LRP1B: variants seen among roughly 807,000 people sequenced by gnomAD.
LRP1B encodes LDL receptor related protein 1B.
LRP1B carries 217 observed loss-of-function variants against 556.6 expected under a neutral mutation model. The observed-to-expected ratio is 0.39, with a 90% CI of 0.35 to 0.44. The LOEUF is 0.44. Ranked by LOEUF, LRP1B falls within the 20% of genes least tolerant of loss-of-function variation. LRP1B has a pLI of 1.00. For synonymous variants in LRP1B, 2,047 were observed against 1,865.8 expected (o/e 1.10, Z -2.50); for missense variants, 5,053 against 5,620.8 (o/e 0.90, Z 3.23).
chr2:140,845,824 G>A (rs530356681), intron 29 of LRP1B, among the ~76,000 whole-genome samples: 1 of 152,218 alleles, frequency 6.6e-6, no homozygotes, highest in East Asian at 1.9e-4. Context: ...ATTGAAAGAA[G>A]TTAACAGAGT....
At chr2:140,973,430 G>A (rs968948869) in intron 18 of LRP1B, among the ~76,000 whole-genome samples, 1 of 152,058 alleles carries the variant, frequency 6.6e-6, no homozygotes, top group Non-Finnish European at 1.5e-5. Flanking sequence ...GGATGGGGGG[G>A]TAGAGAGGAC....
intron 83 of LRP1B, among the ~76,000 whole-genome samples, chr2:140,303,082 CT>C (rs926140346): frequency 1.6e-5 from 2 of 126,126 alleles, no homozygotes; most frequent in Admixed American, 8.3e-5. Flanking sequence ...TATATCGGTT[CT>C]TTTTCTTTGT....
At chr2:140,438,666 C>G (rs1024055170) in intron 66 of LRP1B, among the ~76,000 whole-genome samples, 1 of 152,158 alleles carries the variant, frequency 6.6e-6, no homozygotes, top group Admixed American at 6.5e-5. Flanking sequence ...TCTTCACAAG[C>G]CCTAGTTAGT....
intron 35 of LRP1B, among the ~76,000 whole-genome samples, chr2:140,755,612 T>TA (rs150941879): frequency 0.013 from 1,915 of 152,044 alleles, 36 homozygotes; most frequent in African/African-American, 0.044. Context: ...AAGCATCTAA[T>TA]AAAATATACA....
Position 140,535,161 on chromosome 2 carries a change from A to G in LRP1B, c.7643-1021T>C, listed in dbSNP as rs977451828. On this transcript the variant is annotated intron_variant, in intron 46 of 90. Coordinates refer to ENST00000389484, the MANE Select transcript of LRP1B (RefSeq NM_018557.3). The stretch of plus-strand genomic sequence containing the variant: ...GCATATATGATCCACAAAACCTAAC[A>G]TATTTACCAGCTGAACCTTTACAGA... 4.4e-4 allele frequency among the ~76,000 whole-genome samples: 67 copies of G among 152,272 alleles called. 1 individual carries two copies. The highest frequency in any genetic ancestry group is 3.5e-4 in the Non-Finnish European group (24 of 68,006).
intron 75 of LRP1B, among the ~76,000 whole-genome samples, chr2:140,355,932 C>T (rs1452066355): frequency 6.6e-6 from 1 of 151,746 alleles, no homozygotes; most frequent in African/African-American, 2.4e-5. Flanking sequence ...GGACAAAAGC[C>T]CATGACTCTC....
rs926611019 is a variant in LRP1B, at chr2:140,442,771, T to G, written c.10295-148A>C. 3.3e-5 allele frequency: 23 copies of G among 694,508 alleles called. No individual in the cohort carries two copies. In the African/African-American group the frequency reaches 3.8e-4, roughly 12 times the overall value. 43.0% of individuals were successfully genotyped at this position (694,508 alleles called of 1,614,324 possible). On this transcript the variant is annotated intron_variant, in intron 65 of 90. Coordinates refer to ENST00000389484, the MANE Select transcript of LRP1B (RefSeq NM_018557.3). ...GACTCTGAAGGTGAGGAATTTTAAC[T>G]TTTAATTCCTTTTGAGATACTCCTG...
At chr2:140,372,247 G>A (rs1683029623) in intron 69 of LRP1B, among the ~76,000 whole-genome samples, 1 of 151,958 alleles carries the variant, frequency 6.6e-6, no homozygotes, top group African/African-American at 2.4e-5. Context: ...TATTCATAAG[G>A]AGTCTAATAA....
intron 2 of LRP1B, among the ~76,000 whole-genome samples, chr2:141,793,429 G>T (rs1695688116): frequency 6.6e-6 from 1 of 151,922 alleles, no homozygotes; most frequent in Non-Finnish European, 1.5e-5. Flanking sequence ...TTACTAGAAT[G>T]AGAGTTTCTA....
intron 3 of LRP1B, among the ~76,000 whole-genome samples, chr2:141,376,659 A>G (rs1689449984): frequency 6.6e-6 from 1 of 152,224 alleles, no homozygotes; most frequent in Non-Finnish European, 1.5e-5. Flanking sequence ...AGATATTTGA[A>G]GTCCAACATA....
intron 7 of LRP1B, among the ~76,000 whole-genome samples, chr2:141,117,938 A>G (rs1700947015): frequency 6.6e-6 from 1 of 151,972 alleles, no homozygotes; most frequent in Non-Finnish European, 1.5e-5. Flanking sequence ...TCTCTTTCAT[A>G]TAACTCATCA....
chr2:141,473,758 G>C (rs190050987), intron 3 of LRP1B, among the ~76,000 whole-genome samples: 99 of 152,170 alleles, frequency 6.5e-4, no homozygotes, highest in African/African-American at 2.2e-3. Context: ...TTCCCTCCCT[G>C]TGCTTTAAGC....
rs149976215 is a variant in LRP1B, at chr2:140,635,272, A to C, written c.6800-33633T>G. On this transcript the variant is annotated intron_variant, in intron 41 of 90. Transcript: ENST00000389484. ...AGATTAAATGCTATGTGAAGCTTTTAGCAGAATGCATGGCATATGATAAAC... is the reference window on the plus strand; with the variant it reads ...AGATTAAATGCTATGTGAAGCTTTTCGCAGAATGCATGGCATATGATAAAC... 2.0e-4 allele frequency among the ~76,000 whole-genome samples: 31 copies of C among 152,196 alleles called. No homozygotes were observed. In the East Asian group the frequency reaches 5.6e-3, roughly 27 times the overall value.
intron 4 of LRP1B, among the ~76,000 whole-genome samples, chr2:141,251,013 C>G (rs1684240605): frequency 6.6e-6 from 1 of 152,106 alleles, no homozygotes; most frequent in Non-Finnish European, 1.5e-5. Context: ...GTAAAACTTA[C>G]TACATATACA....
At chr2:141,023,414 T>A (rs1305581123) in intron 11 of LRP1B, among the ~76,000 whole-genome samples, 1 of 151,904 alleles carries the variant, frequency 6.6e-6, no homozygotes, top group African/African-American at 2.4e-5. Context: ...TAATAAAATT[T>A]ATGTAAATTT....
chr2:141,192,896 T>C (rs1681580703), intron 6 of LRP1B, among the ~76,000 whole-genome samples: 1 of 151,996 alleles, frequency 6.6e-6, no homozygotes, highest in Admixed American at 6.6e-5. Context: ...AAAACTTAAA[T>C]TTGCACCGAG....
chr2:141,973,923 ACT>A (rs1209442798), intron 1 of LRP1B, among the ~76,000 whole-genome samples: 1 of 151,774 alleles, frequency 6.6e-6, no homozygotes, highest in Non-Finnish European at 1.5e-5. Flanking sequence ...ACCTTCAATG[ACT>A]CTCTAAAGGC....
At chr2:141,964,418 C>T (rs1376528533) in intron 1 of LRP1B, among the ~76,000 whole-genome samples, 4 of 147,432 alleles carry the variant, frequency 2.7e-5, no homozygotes, top group East Asian at 4.1e-4. Flanking sequence ...TGGAACAGAA[C>T]AGAGCCCTCA....
intron 3 of LRP1B, among the ~76,000 whole-genome samples, chr2:141,269,729 C>A (rs1452395565): frequency 1.3e-5 from 2 of 152,048 alleles, no homozygotes; most frequent in African/African-American, 2.4e-5. Flanking sequence ...CTTTTTTCAA[C>A]TAAATATTAT....
Sources: gnomAD v4.1 joint callset for allele counts (sites outside exome capture counted in the v4.1 genomes callset) on GRCh38, gnomAD v4.1.1 for gene constraint, MANE v1.5 for transcripts, NCBI Gene and HGNC (gene_info 2026-07-23, HGNC 2026-07-21) for gene names.